The following RNF180 variants were observed in gnomAD, a reference collection of about 807,000 sequenced individuals.
The protein encoded by RNF180 is E3 ubiquitin-protein ligase RNF180.
In RNF180, 38 loss-of-function variants were observed where a neutral mutation model predicts 59.2. The ratio of observed to expected loss-of-function variants is 0.64; its 90% CI spans 0.50 to 0.84. The LOEUF (loss-of-function observed/expected upper bound fraction) is 0.84. RNF180 is among the 40% of genes least tolerant of loss of function. The probability of loss-of-function intolerance (pLI) is 0.00; values close to 1 mark genes in which losing one functional copy is unlikely to be tolerated. For missense variants in RNF180, 705 were observed against 700.9 expected, an observed-to-expected ratio of 1.01 and a Z score of -0.07; for synonymous variants, 262 against 240.3, an observed-to-expected ratio of 1.09 and a Z score of -0.84.
At chr5:64,175,884 C>A (rs1323740203) in intron 1 of RNF180, among the ~76,000 whole-genome samples, 2 of 152,046 alleles carry the variant, frequency 1.3e-5, no homozygotes, top group Admixed American at 1.3e-4. Context: ...AGATTGCATT[C>A]TTGGTTTCTT....
intron 1 of RNF180, among the ~76,000 whole-genome samples, chr5:64,179,298 T>C (rs1180635106): frequency 6.6e-6 from 1 of 152,148 alleles, no homozygotes; most frequent in Non-Finnish European, 1.5e-5. Context: ...TTAGAAAATA[T>C]TAATGTTTTA....
chr5:64,335,845 T>G (rs1047637405), intron 7 of RNF180, among the ~76,000 whole-genome samples: 4 of 152,172 alleles, frequency 2.6e-5, no homozygotes, highest in African/African-American at 9.6e-5. Flanking sequence ...AATGTATAAA[T>G]CAATTTGGGG....
At chr5:64,354,396 T>G (rs538291409) in intron 7 of RNF180, among the ~76,000 whole-genome samples, 49 of 151,858 alleles carry the variant, frequency 3.2e-4, no homozygotes, top group African/African-American at 1.1e-3. Context: ...CTGAACTGAA[T>G]CTAGAAGAAA....
chr5:64,345,270 C>T (rs1041334925), intron 7 of RNF180, among the ~76,000 whole-genome samples: 1 of 152,098 alleles, frequency 6.6e-6, no homozygotes, highest in Non-Finnish European at 1.5e-5. Context: ...ATGAAGGGTG[C>T]CCTCTGGAGC....
In RNF180 at chr5:64,261,426, G is replaced by A. The variant is rs73103139; in HGVS notation, c.1227+44030G>A. On this transcript the variant is annotated intron_variant, in intron 5 of 7. Coordinates refer to ENST00000389100, the MANE Select transcript of RNF180 (RefSeq NM_001113561.2). ...AGCCTTGCTTTGATAAAGCACCTGC[G>A]AAATTGGACTGGGTTAAAGAATGGT... is the stretch of plus-strand genomic sequence containing the variant. Among the ~76,000 whole-genome samples the A allele has an allele frequency of 5.0e-3, 756 of 152,206 alleles. 10 individuals are homozygous for A. The highest frequency in any genetic ancestry group is 0.017 in the African/African-American group (707 of 41,542).
intron 7 of RNF180, among the ~76,000 whole-genome samples, chr5:64,339,608 T>C (rs1745278755): frequency 6.6e-6 from 1 of 152,028 alleles, no homozygotes; most frequent in Non-Finnish European, 1.5e-5. Flanking sequence ...TCATGGTTGG[T>C]AGATGGAAGT....
intron 7 of RNF180, among the ~76,000 whole-genome samples, chr5:64,349,459 C>T (rs1456769129): frequency 3.6e-5 from 5 of 140,496 alleles, no homozygotes; most frequent in Non-Finnish European, 6.1e-5. Flanking sequence ...ACTTTAAGTT[C>T]TAGGGTACAT....
intron 1 of RNF180, among the ~76,000 whole-genome samples, chr5:64,170,050 A>G (rs1420349664): frequency 6.6e-6 from 1 of 152,230 alleles, no homozygotes; most frequent in Non-Finnish European, 1.5e-5. Context: ...TTTAGCCCAC[A>G]TTGACCCTTC....
chr5:64,252,521 T>G (rs1299069833), intron 5 of RNF180, among the ~76,000 whole-genome samples: 1 of 152,126 alleles, frequency 6.6e-6, no homozygotes, highest in East Asian at 1.9e-4. Flanking sequence ...ATACTACAAA[T>G]AATCATATTT....
intron 7 of RNF180, among the ~76,000 whole-genome samples, chr5:64,365,752 A>G (rs956277978): frequency 7.3e-5 from 11 of 151,330 alleles, no homozygotes; most frequent in Non-Finnish European, 1.6e-4. Context: ...GTCTTTTTTT[A>G]TCTTTGTTGG....
intron 5 of RNF180, among the ~76,000 whole-genome samples, chr5:64,282,844 CTTTA>C (rs1184051905): frequency 6.6e-6 from 1 of 152,046 alleles, no homozygotes; most frequent in Non-Finnish European, 1.5e-5. Flanking sequence ...TGATTTCTAT[CTTTA>C]TTGTGCTGTG....
intron 5 of RNF180, among the ~76,000 whole-genome samples, chr5:64,286,219 T>G (rs1299492449): frequency 6.6e-6 from 1 of 152,204 alleles, no homozygotes; most frequent in Non-Finnish European, 1.5e-5. Flanking sequence ...GATTAACAAG[T>G]ATGTATTTAA....
At chr5:64,368,217 A>T (rs1234691623) in intron 7 of RNF180, among the ~76,000 whole-genome samples, 1 of 151,728 alleles carries the variant, frequency 6.6e-6, no homozygotes, top group Non-Finnish European at 1.5e-5. Context: ...TGTCTAGTTT[A>T]TTCGATGCTA....
intron 5 of RNF180, among the ~76,000 whole-genome samples, chr5:64,277,290 T>C (rs1420131382): frequency 6.6e-6 from 1 of 151,872 alleles, no homozygotes; most frequent in East Asian, 1.9e-4. Context: ...AAGTAAAAGC[T>C]GAATATAAAA....
intron 5 of RNF180, among the ~76,000 whole-genome samples, chr5:64,280,285 G>GT (rs562357936): frequency 3.8e-4 from 57 of 151,938 alleles, no homozygotes; most frequent in Middle Eastern, 3.4e-3. Context: ...TCTATTGATT[G>GT]TTTTTTTGGC....
chr5:64,196,331 A>G (rs1473991990), intron 1 of RNF180, among the ~76,000 whole-genome samples: 1 of 152,152 alleles, frequency 6.6e-6, no homozygotes, highest in Non-Finnish European at 1.5e-5. Context: ...GAATGATTTT[A>G]AAGTTTCACC....
At chr5:64,321,864 C>T (rs559577962) in intron 5 of RNF180, among the ~76,000 whole-genome samples, 1 of 152,302 alleles carries the variant, frequency 6.6e-6, no homozygotes, top group East Asian at 1.9e-4. Flanking sequence ...CACACATCTA[C>T]AACCATCTGA....
intron 6 of RNF180, among the ~76,000 whole-genome samples, chr5:64,329,010 A>G (rs1299973851): frequency 6.6e-6 from 1 of 152,200 alleles, no homozygotes; most frequent in Non-Finnish European, 1.5e-5. Context: ...TTTAAAATGA[A>G]TACCATCATA....
At chr5:64,346,941 T>C (rs1198212007) in intron 7 of RNF180, among the ~76,000 whole-genome samples, 2 of 152,204 alleles carry the variant, frequency 1.3e-5, no homozygotes, top group East Asian at 3.9e-4. Flanking sequence ...GACTTGTTTA[T>C]TTTCTGCATA....
Sources: allele counts gnomAD v4.1 joint callset (sites outside exome capture counted in the v4.1 genomes callset), GRCh38; gene constraint gnomAD v4.1.1; transcripts MANE v1.5; gene names NCBI Gene and HGNC (gene_info 2026-07-23, HGNC 2026-07-21).